SORT1: variants seen among roughly 807,000 people sequenced by gnomAD.
The protein encoded by SORT1 is sortilin 1, also known as sortilin.
In SORT1, 39 loss-of-function variants were observed where a neutral mutation model predicts 101.7. The observed-to-expected ratio is 0.38, with a 90% CI of 0.30 to 0.50. The LOEUF (loss-of-function observed/expected upper bound fraction) is 0.50. SORT1 is among the 20% of genes least tolerant of loss of function. The pLI, the probability that SORT1 is intolerant of heterozygous loss-of-function variation, is 0.90. For missense variants in SORT1, 878 were observed against 1,040.4 expected (o/e 0.84, Z 2.15); for synonymous variants, 396 against 393.7 (o/e 1.01, Z -0.07).
At position 109,373,674 on chromosome 1, in the gene SORT1, A is replaced by G. The variant is rs1570969713; in HGVS notation, c.307-4085T>C. 2.6e-5 allele frequency among the ~76,000 whole-genome samples: 4 copies of G among 152,330 alleles called. 1 individual carries two copies. The South Asian group carries it at 8.3e-4, about 32-fold the overall frequency. ...CTAAAAATGCTTAAAAGCAAGACCC[A>G]AAAGGATCAAACTGTTTCCAAGTAA... On this transcript the variant is annotated intron_variant, in intron 1 of 19. Transcript: ENST00000256637.
At chr1:109,319,413 T>C (rs1412189633) in intron 15 of SORT1, among the ~76,000 whole-genome samples, 1 of 152,194 alleles carries the variant, frequency 6.6e-6, no homozygotes, top group Non-Finnish European at 1.5e-5. Flanking sequence ...GCTGGCAGCG[T>C]CTCCTTAGCC....
chr1:109,375,541 CAA>C (rs57014091), intron 1 of SORT1, among the ~76,000 whole-genome samples: 3 of 71,082 alleles, frequency 4.2e-5, no homozygotes, highest in East Asian at 3.9e-4. Context: ...GACTCCGTTT[CAA>C]AAAAAAAAAA....
Position 109,322,736 on chromosome 1 carries a change from C to T in SORT1, c.2024+196G>A, listed in dbSNP as rs72646579. On this transcript the variant is annotated intron_variant, in intron 15 of 19. Coordinates refer to ENST00000256637, the MANE Select transcript of SORT1 (RefSeq NM_002959.7). ...TTTGTTTTTTGTAGAGATAGGGTTTCACCATGTTGACCAGGCTGGTCTCGA... is the reference window on the plus strand; with the variant it reads ...TTTGTTTTTTGTAGAGATAGGGTTTTACCATGTTGACCAGGCTGGTCTCGA... Among the ~76,000 whole-genome samples the T allele has an allele frequency of 2.0e-3, 308 of 152,246 alleles. 2 individuals carry two copies. The highest frequency in any genetic ancestry group is 3.8e-3 in the Non-Finnish European group (256 of 68,020).
chr1:109,370,110 C>A (rs1651396171), intron 1 of SORT1, among the ~76,000 whole-genome samples: 1 of 152,062 alleles, frequency 6.6e-6, no homozygotes, highest in Admixed American at 6.5e-5. Context: ...CTTTGTTTCA[C>A]CTTTTTATTT....
intron 14 of SORT1, among the ~76,000 whole-genome samples, 177 bp from the exon 15 acceptor site, chr1:109,323,298 C>A (rs189552068): frequency 1.2e-4 from 19 of 152,214 alleles, no homozygotes; most frequent in African/African-American, 4.6e-4. Context: ...TACTAGCAAT[C>A]GCATTTCCTC....
intron 11 of SORT1, among the ~76,000 whole-genome samples, chr1:109,332,606 G>GA (rs1430260187): frequency 2.0e-5 from 3 of 151,992 alleles, no homozygotes; most frequent in Admixed American, 6.6e-5. Flanking sequence ...CACAGAAATA[G>GA]AAAAAATCCT....
intron 1 of SORT1, among the ~76,000 whole-genome samples, chr1:109,393,679 T>C (rs535799370): frequency 6.3e-4 from 96 of 152,238 alleles, no homozygotes; most frequent in Middle Eastern, 6.8e-3. Context: ...AAAAGGAAGA[T>C]TATTGAGTCT....
chr1:109,319,044 T>C (rs910879994), intron 15 of SORT1, among the ~76,000 whole-genome samples: 1 of 152,160 alleles, frequency 6.6e-6, no homozygotes, highest in South Asian at 2.1e-4. Context: ...TCCCGAAGTA[T>C]TGGGATTACA....
At chr1:109,391,739 T>C (rs1328426385) in intron 1 of SORT1, among the ~76,000 whole-genome samples, 2 of 152,210 alleles carry the variant, frequency 1.3e-5, no homozygotes, top group African/African-American at 2.4e-5. Flanking sequence ...GCAGTCACCA[T>C]TGAAACAAGA....
Position 109,339,152 on chromosome 1 carries a change from C to T in SORT1, c.1264+1572G>A, listed in dbSNP as rs538567755. On this transcript the variant is annotated intron_variant, in intron 10 of 19. Transcript: ENST00000256637. ...TCAGCCTCCCAAAGTGCTGGGATTA[C>T]AGGTGTGAGCCACCGCGCCCAGCGA... 1.2e-4 allele frequency among the ~76,000 whole-genome samples: 18 copies of T among 152,298 alleles called. No individual in the cohort carries two copies. The East Asian group carries it at 3.3e-3, about 28-fold the overall frequency.
chr1:109,347,229 T>C (rs953534599), intron 7 of SORT1, among the ~76,000 whole-genome samples: 1 of 151,520 alleles, frequency 6.6e-6, no homozygotes, highest in Non-Finnish European at 1.5e-5. Flanking sequence ...GTCTGTAGCA[T>C]AATATTTGCT....
intron 1 of SORT1, among the ~76,000 whole-genome samples, chr1:109,370,162 A>G (rs576045515): frequency 3.3e-5 from 5 of 152,330 alleles, no homozygotes; most frequent in Non-Finnish European, 4.4e-5. Context: ...CAACCTTACT[A>G]GAGTTGCAGT....
chr1:109,364,523 C>T (rs909664490), intron 3 of SORT1, among the ~76,000 whole-genome samples: 4 of 151,820 alleles, frequency 2.6e-5, no homozygotes, highest in African/African-American at 9.7e-5. Context: ...CCTAACTATC[C>T]AATGGAACAA....
intron 13 of SORT1, 151 bp downstream of exon 13, chr1:109,326,841 A>G: frequency 1.8e-6 from 1 of 549,298 alleles, no homozygotes; most frequent in Non-Finnish European, 3.1e-6. Context: ...TGAGTTGCCA[A>G]TTAAAAGCAA....
intron 6 of SORT1, among the ~76,000 whole-genome samples, chr1:109,349,178 C>T (rs1247791535): frequency 6.6e-6 from 1 of 151,986 alleles, no homozygotes; most frequent in Non-Finnish European, 1.5e-5. Context: ...AACCCCATTG[C>T]TACTAAAAAT....
At chr1:109,376,316 G>GGGAGA in intron 1 of SORT1, among the ~76,000 whole-genome samples, 2 of 136,686 alleles carry the variant, frequency 1.5e-5, no homozygotes, top group South Asian at 4.8e-4. Context: ...GGGCAACAGA[G>GGGAGA]GGAGACTCCA....
At chr1:109,373,636 G>T (rs1651632934) in intron 1 of SORT1, among the ~76,000 whole-genome samples, 1 of 152,200 alleles carries the variant, frequency 6.6e-6, no homozygotes, top group Non-Finnish European at 1.5e-5. Flanking sequence ...ACTTAACGCT[G>T]TGCCGGTCCC....
chr1:109,335,118 A>T (rs539439105), intron 11 of SORT1, among the ~76,000 whole-genome samples: 218 of 152,156 alleles, frequency 1.4e-3, no homozygotes, highest in African/African-American at 5.2e-3. Flanking sequence ...TGTTCAGGGA[A>T]TGGCAGGGGG....
At chr1:109,357,816 C>T (rs1650433620) in intron 3 of SORT1, among the ~76,000 whole-genome samples, 1 of 152,188 alleles carries the variant, frequency 6.6e-6, no homozygotes, top group African/African-American at 2.4e-5. Flanking sequence ...TACAATTGGG[C>T]GCCACCCAAC....
Sources: gnomAD v4.1 joint callset for allele counts (sites outside exome capture counted in the v4.1 genomes callset) on GRCh38, gnomAD v4.1.1 for gene constraint, MANE v1.5 for transcripts, NCBI Gene and HGNC (gene_info 2026-07-23, HGNC 2026-07-21) for gene names.